The following PPP2R5D variants were observed in gnomAD, a reference collection of about 807,000 sequenced individuals.
PPP2R5D encodes the protein serine/threonine-protein phosphatase 2A 56 kDa regulatory subunit delta isoform.
PPP2R5D carries 12 observed loss-of-function variants against 79.1 expected under a neutral mutation model. That is an observed-to-expected ratio of 0.15 (90% confidence interval 0.10 to 0.25). PPP2R5D has a LOEUF of 0.25. PPP2R5D is among the 10% of genes least tolerant of loss of function. The pLI, the probability that PPP2R5D is intolerant of heterozygous loss-of-function variation, is 1.00. For missense variants in PPP2R5D, 419 were observed against 760.2 expected, an observed-to-expected ratio of 0.55 and a Z score of 5.28; for synonymous variants, 277 against 286.6, an observed-to-expected ratio of 0.97 and a Z score of 0.34.
chr6:43,002,284 C>G (rs2095076184), intron 2 of PPP2R5D, among the ~76,000 whole-genome samples: 1 of 152,092 alleles, frequency 6.6e-6, no homozygotes, highest in Non-Finnish European at 1.5e-5. Flanking sequence ...CTGCCCCAGC[C>G]TCCCGAGTAG....
chr6:42,985,938 C>T lies in PPP2R5D; in HGVS notation c.27+1234C>T, dbSNP rs145277630. 9.1e-3 allele frequency among the ~76,000 whole-genome samples: 1,387 copies of T among 152,134 alleles called. 21 individuals are homozygous for T. The highest frequency in any genetic ancestry group is 0.032 in the African/African-American group (1,309 of 41,484). ...AATTACAGGCATGCGCCACCACATC[C>T]GGCTAATTTTGTATTTTTAGTAGAG... On this transcript the variant is annotated intron_variant, in intron 1 of 15. Transcript: ENST00000485511.
intron 1 of PPP2R5D, among the ~76,000 whole-genome samples, chr6:42,986,390 A>T (rs188098405): frequency 1.2e-3 from 188 of 152,152 alleles, no homozygotes; most frequent in African/African-American, 4.3e-3. Context: ...TGGCTGGGTT[A>T]CTGGGCTGCC....
chr6:42,993,530 A>C (rs948156611), intron 2 of PPP2R5D, among the ~76,000 whole-genome samples: 5 of 152,226 alleles, frequency 3.3e-5, no homozygotes, highest in Non-Finnish European at 7.3e-5. Flanking sequence ...GGAGGCCAAA[A>C]GTTGTAAAAT....
chr6:43,007,031 G>T lies in PPP2R5D; in HGVS notation c.443G>T (p.Gly148Val). The T allele has an allele frequency of 1.9e-6, 3 of 1,614,132 alleles. No individual in the cohort carries two copies. The highest frequency in any genetic ancestry group is 1.3e-5 in the African/African-American group (1 of 75,020). The change falls in exon 4 of 16, where the codon GGA (glycine) becomes GTA (valine). Residue 148 changes from glycine (G) to valine (V), a missense_variant. Around this residue, in one of 5 missense-constraint regions of PPP2R5D, gnomAD observed 29 missense variants for 64.2 expected, o/e 0.45. Coordinates refer to ENST00000485511, the MANE Select transcript of PPP2R5D (RefSeq NM_006245.4). This position sits in a 1 kb window ranked among gnomAD's most constrained non-coding sequence, Gnocchi z 4.5. ...DLKFKEVKRA[G>V]LNEMVEYITH... Reference sequence around the variant, plus strand: ...AAATTCAAGGAGGTGAAGCGGGCAGGACTCAACGAGATGGTGGAGTACATC... The same window carrying T: ...AAATTCAAGGAGGTGAAGCGGGCAGTACTCAACGAGATGGTGGAGTACATC...
chr6:43,010,639 C>T lies in PPP2R5D; in HGVS notation c.1482-25C>T. The T allele has an allele frequency of 6.2e-7, 1 of 1,613,958 alleles. No individual in the cohort carries two copies. Among genetic ancestry groups the T allele is most frequent in the East Asian group, 2.2e-5 (1 of 44,880 alleles). ...CTCACTGTGTTTCTCTCAAGCCCAA[C>T]CCCAATCCTACTTTTGCTCCTCAGG... On this transcript the variant is annotated intron_variant, in intron 13 of 15. Coordinates refer to ENST00000485511, the MANE Select transcript of PPP2R5D (RefSeq NM_006245.4). This position sits in a 1 kb window ranked among gnomAD's most constrained non-coding sequence, Gnocchi z 4.7.
At chr6:43,003,997 C>T (rs1049090478) in intron 2 of PPP2R5D, among the ~76,000 whole-genome samples, 16 of 151,772 alleles carry the variant, frequency 1.1e-4, no homozygotes, top group African/African-American at 3.4e-4. Flanking sequence ...GGATTACAGG[C>T]GTGAGCCACC....
Position 43,007,291 on chromosome 6 carries a change from T to G in PPP2R5D, c.618T>G (p.Ala206=). 1 of 1,614,194 alleles carries G rather than the reference T, an allele frequency of 6.2e-7. No individual in the cohort carries two copies. Among genetic ancestry groups the G allele is most frequent in the Non-Finnish European group, 8.5e-7 (1 of 1,180,014 alleles). The change falls in exon 5 of 16, where the codon GCT becomes GCG. Residue 206 remains alanine (A), a synonymous_variant. Transcript: ENST00000485511. This position sits in a 1 kb window ranked among gnomAD's most constrained non-coding sequence, Gnocchi z 4.5. ...AAGATGAGCCCACCCTGGAAGCTGCTTGGCCACATCTCCAGGTACCAGGGC... is the reference window on the plus strand; with the variant it reads ...AAGATGAGCCCACCCTGGAAGCTGCGTGGCCACATCTCCAGGTACCAGGGC... ...PEEDEPTLEA[A]WPHLQLVYEF... is the part of the protein sequence containing the mutation.
Position 43,008,637 on chromosome 6 carries a change from C to A in PPP2R5D, c.1027-56C>A. The A allele has an allele frequency of 1.3e-6, 2 of 1,575,774 alleles. No homozygotes were observed. Among genetic ancestry groups the A allele is most frequent in the Admixed American group, 3.3e-5 (2 of 59,732 alleles). ...GGGATCTTGTTTCTATCACTGACTT[C>A]TCTGAGAGCTTCTAGGACCTACACC... On this transcript the variant is annotated intron_variant, in intron 9 of 15. Coordinates refer to ENST00000485511, the MANE Select transcript of PPP2R5D (RefSeq NM_006245.4). The surrounding 1 kb of genome is among the most constrained non-coding windows in gnomAD (Gnocchi z 4.2).
At position 42,985,472 on chromosome 6, in the gene PPP2R5D, C is replaced by T. The variant is rs150007491; in HGVS notation, c.27+768C>T. On this transcript the variant is annotated intron_variant, in intron 1 of 15. Transcript: ENST00000485511. Reference sequence around the variant, plus strand: ...AGGCCCAGCTGCAATATCAGGTCTCCTGACTTAAAGGCCTCTTTTGTATCA... The same window carrying T: ...AGGCCCAGCTGCAATATCAGGTCTCTTGACTTAAAGGCCTCTTTTGTATCA... 3.9e-5 allele frequency among the ~76,000 whole-genome samples: 6 copies of T among 152,360 alleles called. No homozygotes were observed. In the East Asian group the frequency reaches 7.7e-4, roughly 20 times the overall value.
chr6:42,993,051 C>T (rs1056458326), intron 2 of PPP2R5D, among the ~76,000 whole-genome samples: 10 of 151,886 alleles, frequency 6.6e-5, no homozygotes, highest in Non-Finnish European at 1.5e-4. Flanking sequence ...AATCCCAGCA[C>T]TTTGGGAGGC....
At chr6:42,993,603 C>G (rs1430783258) in intron 2 of PPP2R5D, among the ~76,000 whole-genome samples, 5 of 152,262 alleles carry the variant, frequency 3.3e-5, no homozygotes, top group African/African-American at 1.2e-4. Context: ...CATCTCTCTC[C>G]TAGATTCTGG....
chr6:42,997,412 G>C (rs967226454), intron 2 of PPP2R5D, among the ~76,000 whole-genome samples: 7 of 152,174 alleles, frequency 4.6e-5, no homozygotes, highest in African/African-American at 1.7e-4. Flanking sequence ...GGCTTGTCTT[G>C]AACTCCTGAC....
chr6:43,002,827 T>C (rs1761834057), intron 2 of PPP2R5D, among the ~76,000 whole-genome samples: 1 of 150,644 alleles, frequency 6.6e-6, no homozygotes. Flanking sequence ...GGAGTAAGAG[T>C]TTGGGATGGG....
At chr6:42,992,130 G>A (rs1457548011) in intron 2 of PPP2R5D, among the ~76,000 whole-genome samples, 5 of 152,106 alleles carry the variant, frequency 3.3e-5, no homozygotes, top group Admixed American at 3.3e-4. Flanking sequence ...CGCGATCTTG[G>A]CTCACTGCAA....
Position 42,984,654 on chromosome 6 carries a change from C to T in PPP2R5D, c.-24C>T. 1.3e-6 allele frequency: 2 copies of T among 1,593,466 alleles called. No individual in the cohort carries two copies. The highest frequency in any genetic ancestry group is 2.3e-5 in the East Asian group (1 of 43,864). ...GGAGCCGGAGCGGGGCCGCAGGAGA[C>T]GGGCCGGGTCCGGACGGGCCGAGAT... On this transcript the variant is annotated 5_prime_UTR_variant, in exon 1 of 16. The change creates a new upstream start codon in the 5' untranslated region. Coordinates refer to ENST00000485511, the MANE Select transcript of PPP2R5D (RefSeq NM_006245.4).
rs1220702636 is a variant in PPP2R5D at position 43,009,794 on chromosome 6, C to T, written c.1379+345C>T. Among the ~76,000 whole-genome samples the T allele has an allele frequency of 1.3e-5, 2 of 152,164 alleles. No individual in the cohort carries two copies. The highest frequency in any genetic ancestry group is 2.9e-5 in the Non-Finnish European group (2 of 68,012). ...GAATCCCAGGGTTTTAGGCCGGGCA[C>T]GGTGTCTCACGCCTGTAATCCTAGC... On this transcript the variant is annotated intron_variant, in intron 12 of 15. Transcript: ENST00000485511. The surrounding 1 kb of genome is among the most constrained non-coding windows in gnomAD (Gnocchi z 5.6).
Position 43,009,408 on chromosome 6 carries a change from G to A in PPP2R5D, c.1338G>A (p.Met446Ile). The change falls in exon 12 of 16, where the codon ATG becomes ATA. Residue 446 changes from methionine to isoleucine, a missense_variant. Coordinates refer to ENST00000485511, the MANE Select transcript of PPP2R5D (RefSeq NM_006245.4). The surrounding 1 kb of genome is among the most constrained non-coding windows in gnomAD (Gnocchi z 5.6). The stretch of plus-strand genomic sequence containing the variant: ...ATGCTGCCCGAGTCCTCCCCATCAT[G>A]TTCCCTGCACTCTACAGGAACTCCA... ...SDNAARVLPIMFPALYRNSKS... is the reference protein window; with the variant it reads ...SDNAARVLPIIFPALYRNSKS... 1 of 1,614,116 alleles carries A rather than the reference G, an allele frequency of 6.2e-7. No homozygotes were observed. The highest frequency in any genetic ancestry group is 8.5e-7 in the Non-Finnish European group (1 of 1,180,034).
At position 43,007,640 on chromosome 6, in the gene PPP2R5D, G is replaced by A. The variant is rs547288751; in HGVS notation, c.726+134G>A. ...GTCTGGTACGAGGAGGCTATAAAGG[G>A]TAAAAAACAAAACAAAACAAAACCC... On this transcript the variant is annotated intron_variant, in intron 6 of 15. Coordinates refer to ENST00000485511, the MANE Select transcript of PPP2R5D (RefSeq NM_006245.4). The surrounding 1 kb of genome is among the most constrained non-coding windows in gnomAD (Gnocchi z 4.5). 1 of 971,232 alleles carries A rather than the reference G, an allele frequency of 1.0e-6. No individual in the cohort carries two copies. The highest frequency in any genetic ancestry group is 1.6e-5 in the African/African-American group (1 of 60,918). 60.2% of individuals were successfully genotyped at this position (971,232 alleles called of 1,614,324 possible).
chr6:42,989,781 A>G, intron 2 of PPP2R5D, 93 bp downstream of exon 2: 1 of 1,254,200 alleles, frequency 8.0e-7, no homozygotes, highest in Non-Finnish European at 1.1e-6. Context: ...GGGGTGAGGC[A>G]GAAGGGAAGG....
Sources: allele counts gnomAD v4.1 joint callset (sites outside exome capture counted in the v4.1 genomes callset), GRCh38; gene constraint gnomAD v4.1.1; regional missense constraint gnomAD v4.1.1; non-coding constraint Gnocchi (gnomAD v3.1); transcripts MANE v1.5; gene names NCBI Gene and HGNC (gene_info 2026-07-23, HGNC 2026-07-21).